The following NAAA variants were observed in gnomAD, a reference collection of about 807,000 sequenced individuals.
NAAA encodes N-acylethanolamine-hydrolyzing acid amidase.
NAAA carries 39 observed loss-of-function variants against 44.8 expected under a neutral mutation model. That is an observed-to-expected ratio of 0.87 (90% CI 0.67 to 1.14). The LOEUF (loss-of-function observed/expected upper bound fraction) is 1.14. Ranked by LOEUF, NAAA falls within the 50% of genes most tolerant of loss-of-function variation. The probability of loss-of-function intolerance (pLI) is 0.00; values close to 1 mark genes in which losing one functional copy is unlikely to be tolerated. For missense variants in NAAA, 460 were observed against 467.8 expected (o/e 0.98, Z 0.15); for synonymous variants, 178 against 191.3 (o/e 0.93, Z 0.58).
chr4:75,926,789 G>C (rs970765557), intron 4 of NAAA, among the ~76,000 whole-genome samples: 1 of 152,108 alleles, frequency 6.6e-6, no homozygotes, highest in Non-Finnish European at 1.5e-5. Flanking sequence ...AGGAGTGCTT[G>C]AGCCCAGGAG....
rs1304035046 is a variant in NAAA at position 75,938,138 on chromosome 4, G to A, written c.371+1863C>T. ...ATGATACCATCTTCCCCACGGGACTGTGTTCATGAAGTGCCTGGCACCCAG... is the reference window on the plus strand; with the variant it reads ...ATGATACCATCTTCCCCACGGGACTATGTTCATGAAGTGCCTGGCACCCAG... On this transcript the variant is annotated intron_variant, in intron 2 of 10. Coordinates refer to ENST00000286733, the MANE Select transcript of NAAA (RefSeq NM_014435.4). Among the ~76,000 whole-genome samples, 5 of 152,188 alleles carry A rather than the reference G, an allele frequency of 3.3e-5. No homozygotes were observed. The East Asian group carries it at 9.6e-4, about 29-fold the overall frequency.
chr4:75,921,268 A>G (rs1431417146), intron 5 of NAAA, 145 bp from the exon 6 acceptor site: 1 of 763,606 alleles, frequency 1.3e-6, no homozygotes, highest in African/African-American at 1.8e-5. Context: ...TCCTCTTGTT[A>G]TCAGGGCTCC....
Position 75,925,735 on chromosome 4 carries a change from A to T in NAAA, c.666T>A (p.Ala222=), listed in dbSNP as rs1239240594. 1.2e-6 allele frequency: 2 copies of T among 1,614,046 alleles called. No homozygotes were observed. Among genetic ancestry groups the T allele is most frequent in the Non-Finnish European group, 1.7e-6 (2 of 1,180,008 alleles). The change falls in exon 5 of 11, where the codon GCT becomes GCA. Residue 222 remains alanine, a splice_region_variant and synonymous_variant. Transcript: ENST00000286733. Reference sequence around the variant, plus strand: ...AGGGCTCCACATTAAATATACTCACAGCGCGGATCAGCCAGCTGACGGGAA... The same window carrying T: ...AGGGCTCCACATTAAATATACTCACTGCGCGGATCAGCCAGCTGACGGGAA... ...RHIPVSWLIR[A]TLSESENFEA...
chr4:75,930,127 A>C (rs374834356), intron 4 of NAAA, among the ~76,000 whole-genome samples: 8 of 152,190 alleles, frequency 5.3e-5, no homozygotes, highest in East Asian at 1.9e-4. Flanking sequence ...CAAAAACCCC[A>C]AAAAAACAAC....
In NAAA at chr4:75,920,772, G is replaced by A. The variant is rs748898890; in HGVS notation, c.868C>T (p.His290Tyr). 3 of 1,614,148 alleles carry A rather than the reference G, an allele frequency of 1.9e-6. No individual in the cohort carries two copies. In the Admixed American group the frequency reaches 5.0e-5, roughly 27 times the overall value. Reference protein sequence around the residue: ...AWFRVETNYDHWKPAPKEDDR... With the variant: ...AWFRVETNYDYWKPAPKEDDR... Reference sequence around the variant, plus strand: ...TCTTCCTTGGGTGCTGGCTTCCAGTGGTCGTAATTTGTCTCAACTCGGAAC... The same window carrying A: ...TCTTCCTTGGGTGCTGGCTTCCAGTAGTCGTAATTTGTCTCAACTCGGAAC... The change falls in exon 7 of 11, where the codon CAC becomes TAC. Residue 290 changes from histidine (H) to tyrosine (Y), a missense_variant. Transcript: ENST00000286733.
intron 10 of NAAA, 82 bp downstream of exon 10, chr4:75,914,786 T>C (rs1211190269): frequency 1.1e-6 from 1 of 939,428 alleles, no homozygotes; most frequent in Non-Finnish European, 1.7e-6. Flanking sequence ...TATGTATACA[T>C]TTTAAGGATG....
At chr4:75,932,064 T>C (rs1197978169) in intron 3 of NAAA, among the ~76,000 whole-genome samples, 1 of 152,136 alleles carries the variant, frequency 6.6e-6, no homozygotes, top group East Asian at 1.9e-4. Context: ...ACCTGGATTC[T>C]ACTAAAAATA....
downstream of NAAA, chr4:75,911,349 G>T: frequency 5.9e-6 from 3 of 504,652 alleles, no homozygotes; most frequent in Non-Finnish European, 4.0e-6. Context: ...GGTTCTTCTT[G>T]CTCACTGCAC....
At chr4:75,923,699 C>T (rs1007893789) in intron 5 of NAAA, among the ~76,000 whole-genome samples, 3 of 152,050 alleles carry the variant, frequency 2.0e-5, no homozygotes, top group Admixed American at 6.6e-5. Context: ...GCCACTACAC[C>T]TGACTAATTT....
intron 4 of NAAA, among the ~76,000 whole-genome samples, chr4:75,926,599 A>G (rs1235744925): frequency 1.3e-5 from 2 of 151,358 alleles, no homozygotes; most frequent in Non-Finnish European, 1.5e-5. Context: ...CAACAGAGTA[A>G]AAGGCAATTC....
intron 7 of NAAA, 128 bp downstream of exon 7, chr4:75,920,610 G>A (rs192957365): frequency 1.3e-4 from 150 of 1,152,788 alleles, no homozygotes; most frequent in Non-Finnish European, 1.8e-4. Flanking sequence ...AGGCACTGGC[G>A]AAGGGGCTCA....
At chr4:75,936,846 TGTTA>T (rs1727765406) in intron 2 of NAAA, among the ~76,000 whole-genome samples, 1 of 152,210 alleles carries the variant, frequency 6.6e-6, no homozygotes, top group Non-Finnish European at 1.5e-5. Flanking sequence ...GGAGGAGGCT[TGTTA>T]AGTATCTATC....
chr4:75,929,794 T>TA (rs1342926156), intron 4 of NAAA, among the ~76,000 whole-genome samples: 14 of 151,988 alleles, frequency 9.2e-5, no homozygotes, highest in African/African-American at 3.4e-4. Flanking sequence ...AAGATAAGAA[T>TA]AAACAATAAC....
chr4:75,922,377 C>CA (rs34680013), intron 5 of NAAA, among the ~76,000 whole-genome samples: 2,559 of 105,272 alleles, frequency 0.024, 70 homozygotes, highest in African/African-American at 0.077. Context: ...GACCCTGTCT[C>CA]AAAAAAAAAA....
At chr4:75,932,544 G>A (rs1055426870) in intron 3 of NAAA, among the ~76,000 whole-genome samples, 1 of 152,200 alleles carries the variant, frequency 6.6e-6, no homozygotes, top group Non-Finnish European at 1.5e-5. Flanking sequence ...GTGCAATGGT[G>A]CAATCACGAC....
Position 75,939,769 on chromosome 4 carries a change from G to T in NAAA, c.371+232C>A. 4 of 531,946 alleles carry T rather than the reference G, an allele frequency of 7.5e-6. No individual in the cohort carries two copies. The Admixed American group carries it at 1.3e-4, about 17-fold the overall frequency. 33.0% of individuals were successfully genotyped at this position (531,946 alleles called of 1,614,324 possible). On this transcript the variant is annotated intron_variant, in intron 2 of 10. Transcript: ENST00000286733. ...TGGATTGGGGAAGAGAAAACCCGGG[G>T]CTACACGTAGAGGGAAAGTTTAGTG...
chr4:75,920,169 T>A (rs1726016372), intron 7 of NAAA, among the ~76,000 whole-genome samples, 194 bp from the exon 8 acceptor site: 1 of 152,216 alleles, frequency 6.6e-6, no homozygotes. Context: ...CTGGGACGGT[T>A]GGCACCATCT....
intron 8 of NAAA, chr4:75,919,485 A>ACT (rs113708574): frequency 3.1e-4 from 59 of 188,106 alleles, no homozygotes; most frequent in Middle Eastern, 2.0e-3. Context: ...AATGTCATAT[A>ACT]ATTTTTTTTT....
In NAAA at chr4:75,914,778, T is replaced by C. The variant is rs144386067; in HGVS notation, c.*36+90A>G. The C allele has an allele frequency of 2.0e-5, 16 of 792,948 alleles. No homozygotes were observed. The East Asian group carries it at 3.9e-4, about 19-fold the overall frequency. The allele number at this position is 792,948 out of a possible 1,614,324, so 49.1% of individuals were successfully genotyped here. ...GATGCTTGTCAGAAAATATTATATA[T>C]GTATACATTTTAAGGATGTTACCAC... On this transcript the variant is annotated intron_variant, in intron 10 of 10. Coordinates refer to ENST00000286733, the MANE Select transcript of NAAA (RefSeq NM_014435.4).
Sources: allele counts gnomAD v4.1 joint callset (sites outside exome capture counted in the v4.1 genomes callset), GRCh38; gene constraint gnomAD v4.1.1; transcripts MANE v1.5; gene names NCBI Gene and HGNC (gene_info 2026-07-23, HGNC 2026-07-21).